Variants in SPIN1 observed in about 807,000 individuals in gnomAD.
SPIN1 encodes the protein spindlin-1.
A neutral mutation model predicts 26.0 loss-of-function variants in SPIN1; 3 were observed. The observed-to-expected ratio is 0.12, with a 90% confidence interval of 0.05 to 0.30. SPIN1 has a LOEUF of 0.30. Ranked by LOEUF, SPIN1 falls within the 10% of genes least tolerant of loss-of-function variation. SPIN1 has a pLI of 1.00. For missense variants in SPIN1, 126 were observed against 333.4 expected, an observed-to-expected ratio of 0.38 and a Z score of 4.84; for synonymous variants, 101 against 116.5, an observed-to-expected ratio of 0.87 and a Z score of 0.86.
rs779044738 is a variant in SPIN1 at position 88,468,624 on chromosome 9, C to A, written c.589+19C>A. Reference sequence around the variant, plus strand: ...GATTCCAGTAAGTATATATTGGCAACTTTTATATGTGATAATTAGAAGGGA... The same window carrying A: ...GATTCCAGTAAGTATATATTGGCAAATTTTATATGTGATAATTAGAAGGGA... On this transcript the variant is annotated intron_variant, in intron 5 of 5. Transcript: ENST00000375859. 3.6e-6 allele frequency: 5 copies of A among 1,390,190 alleles called. No homozygotes were observed. The highest frequency in any genetic ancestry group is 4.7e-6 in the Non-Finnish European group (5 of 1,055,440). 86.1% of individuals were successfully genotyped at this position (1,390,190 alleles called of 1,614,324 possible).
chr9:88,468,329 C>A, intron 4 of SPIN1, 43 bp from the exon 5 acceptor site: 1 of 1,421,080 alleles, frequency 7.0e-7, no homozygotes, highest in Non-Finnish European at 9.4e-7. Context: ...CGGTAATCAG[C>A]GAAACACTTT....
chr9:88,424,922 C>T (rs924229448), intron 1 of SPIN1, among the ~76,000 whole-genome samples: 2 of 152,086 alleles, frequency 1.3e-5, no homozygotes, highest in Non-Finnish European at 2.9e-5. Context: ...CAAATGAGTG[C>T]TGATGACGGA....
At chr9:88,436,227 G>A (rs1337916199) in intron 2 of SPIN1, among the ~76,000 whole-genome samples, 9 of 152,280 alleles carry the variant, frequency 5.9e-5, no homozygotes, top group African/African-American at 1.9e-4. Flanking sequence ...GCTCCACAGC[G>A]CCTGACTTTC....
chr9:88,408,387 T>C (rs893555192), intron 1 of SPIN1, among the ~76,000 whole-genome samples: 1 of 146,732 alleles, frequency 6.8e-6, no homozygotes, highest in Non-Finnish European at 1.5e-5. Context: ...TTTTTTTTTT[T>C]TTTTTTTTGA....
Position 88,426,515 on chromosome 9 carries a change from C to G in SPIN1, c.-25C>G. The G allele has an allele frequency of 1.2e-6, 2 of 1,601,916 alleles. No individual in the cohort carries two copies. The highest frequency in any genetic ancestry group is 1.3e-5 in the African/African-American group (1 of 74,752). Reference sequence around the variant, plus strand: ...GAATTTTCACCCTAGTCCAGCAGCTCCGCTGCTCACTTAAATACAGATGAA... The same window carrying G: ...GAATTTTCACCCTAGTCCAGCAGCTGCGCTGCTCACTTAAATACAGATGAA... On this transcript the variant is annotated 5_prime_UTR_variant, in exon 2 of 6. Transcript: ENST00000375859.
At chr9:88,408,131 C>T (rs1827348380) in intron 1 of SPIN1, among the ~76,000 whole-genome samples, 1 of 151,508 alleles carries the variant, frequency 6.6e-6, no homozygotes, top group Admixed American at 6.6e-5. Flanking sequence ...AACAGTTTTA[C>T]TGTGATGTGT....
chr9:88,463,276 G>A (rs1828606162), intron 4 of SPIN1, among the ~76,000 whole-genome samples: 1 of 152,182 alleles, frequency 6.6e-6, no homozygotes, highest in East Asian at 1.9e-4. Context: ...GTCATACAGT[G>A]CCAGTTTTGC....
intron 1 of SPIN1, among the ~76,000 whole-genome samples, chr9:88,396,301 T>A (rs1229089700): frequency 1.3e-5 from 2 of 151,532 alleles, no homozygotes; most frequent in Non-Finnish European, 2.9e-5. Flanking sequence ...TACTTAAAAC[T>A]CTAAATGGTG....
At chr9:88,396,256 A>G (rs964149964) in intron 1 of SPIN1, among the ~76,000 whole-genome samples, 2 of 151,482 alleles carry the variant, frequency 1.3e-5, no homozygotes, top group East Asian at 1.9e-4. Context: ...AAAAAATTAC[A>G]TTTTTAAAAG....
chr9:88,434,048 T>C (rs1010918193), intron 2 of SPIN1, among the ~76,000 whole-genome samples: 48 of 151,994 alleles, frequency 3.2e-4, no homozygotes, highest in African/African-American at 1.1e-3. Context: ...GAGTGAGTCA[T>C]AGGGTTGGAA....
At chr9:88,450,253 T>A (rs895237104) in intron 3 of SPIN1, among the ~76,000 whole-genome samples, 4 of 152,196 alleles carry the variant, frequency 2.6e-5, no homozygotes, top group Non-Finnish European at 5.9e-5. Context: ...ATGTAAGCCA[T>A]AAATATTAGG....
Position 88,478,193 on chromosome 9 carries a change from C to T in SPIN1, c.*2916C>T, listed in dbSNP as rs1271894603. ...GTTACTTCTAAACCAGATTTCATTT[C>T]TTTTATTGTTTTATGTGCCAAACCA... On this transcript the variant is annotated 3_prime_UTR_variant, in exon 6 of 6. Transcript: ENST00000375859. The T allele has an allele frequency of 6.6e-6, 1 of 152,498 alleles. No homozygotes were observed. Among genetic ancestry groups the T allele is most frequent in the Non-Finnish European group, 1.5e-5 (1 of 67,988 alleles). The allele number at this position is 152,498 out of a possible 1,614,324, so 9.4% of individuals were successfully genotyped here.
intron 1 of SPIN1, among the ~76,000 whole-genome samples, chr9:88,408,495 A>G (rs1827361133): frequency 2.7e-5 from 4 of 148,696 alleles, no homozygotes; most frequent in South Asian, 2.1e-4. Context: ...CTCTGCCACA[A>G]CCTGCCAAGT....
intron 1 of SPIN1, chr9:88,418,633 G>A (rs1342284402): frequency 2.0e-5 from 3 of 152,170 alleles, no homozygotes; most frequent in Non-Finnish European, 4.4e-5. Flanking sequence ...ACTTTGATAT[G>A]ACTCTGTTTC....
At chr9:88,444,236 A>AT (rs745590731) in intron 2 of SPIN1, among the ~76,000 whole-genome samples, 3,186 of 102,464 alleles carry the variant, frequency 0.031, 202 homozygotes, top group Middle Eastern at 0.065. Context: ...TCTTGTTCCC[A>AT]TTTTTTTTTT....
At chr9:88,469,944 A>G (rs932407611) in intron 5 of SPIN1, among the ~76,000 whole-genome samples, 4 of 152,174 alleles carry the variant, frequency 2.6e-5, no homozygotes, top group Middle Eastern at 3.2e-3. Flanking sequence ...CATCACCTCA[A>G]AAGAAAACTT....
chr9:88,415,948 G>A (rs1374546162), intron 1 of SPIN1, among the ~76,000 whole-genome samples: 1 of 150,552 alleles, frequency 6.6e-6, no homozygotes, highest in Non-Finnish European at 1.5e-5. Flanking sequence ...AGTAGAGATG[G>A]GGTTTCACTG....
intron 2 of SPIN1, among the ~76,000 whole-genome samples, chr9:88,445,865 T>C (rs1261552481): frequency 2.0e-5 from 3 of 152,250 alleles, no homozygotes; most frequent in South Asian, 2.1e-4. Context: ...TTCAGAAATA[T>C]GTATCTGAGT....
intron 1 of SPIN1, 22 bp from the exon 2 acceptor site, chr9:88,426,360 G>A (rs927232089): frequency 7.9e-6 from 4 of 509,348 alleles, no homozygotes; most frequent in Admixed American, 7.1e-5. Flanking sequence ...CTCTAGTAAT[G>A]AACTGTTTCA....
Sources: gnomAD v4.1 joint callset for allele counts (sites outside exome capture counted in the v4.1 genomes callset) on GRCh38, gnomAD v4.1.1 for gene constraint, MANE v1.5 for transcripts, NCBI Gene and HGNC (gene_info 2026-07-23, HGNC 2026-07-21) for gene names.